Variants in AK5 observed in about 807,000 individuals in gnomAD.
The protein encoded by AK5 is adenylate kinase isoenzyme 5.
A neutral mutation model predicts 69.5 loss-of-function variants in AK5; 27 were observed. The ratio of observed to expected loss-of-function variants is 0.39; its 90% confidence interval spans 0.29 to 0.54. The LOEUF is 0.54. AK5 is among the 20% of genes least tolerant of loss of function. The pLI, the probability that AK5 is intolerant of heterozygous loss-of-function variation, is 0.71. For synonymous variants in AK5, 260 were observed against 244.4 expected (o/e 1.06, Z -0.60); for missense variants, 531 against 700.4 (o/e 0.76, Z 2.73).
chr1:77,298,028 G>T, intron 5 of AK5, 81 bp downstream of exon 5: 1 of 957,130 alleles, frequency 1.0e-6, no homozygotes, highest in South Asian at 1.7e-5. Context: ...CTTCTTGGAA[G>T]ACTTGCGATG....
chr1:77,449,974 A>G (rs189255500), intron 8 of AK5, among the ~76,000 whole-genome samples: 177 of 152,268 alleles, frequency 1.2e-3, no homozygotes, highest in African/African-American at 4.1e-3. Flanking sequence ...CCCAAGTCAC[A>G]TCTTGAATGC....
chr1:77,455,526 G>A (rs1421784353), intron 8 of AK5, among the ~76,000 whole-genome samples: 1 of 152,076 alleles, frequency 6.6e-6, no homozygotes, highest in Non-Finnish European at 1.5e-5. Context: ...CAGCCAGAAG[G>A]CATCATCTAT....
intron 2 of AK5, 42 bp downstream of exon 2, chr1:77,287,169 C>T: frequency 1.5e-6 from 2 of 1,356,634 alleles, no homozygotes; most frequent in South Asian, 2.0e-5. Flanking sequence ...ATAGTTATAG[C>T]AATTCTCTTT....
intron 13 of AK5, among the ~76,000 whole-genome samples, chr1:77,544,141 A>G (rs978561926): frequency 6.6e-6 from 1 of 152,226 alleles, no homozygotes; most frequent in African/African-American, 2.4e-5. Context: ...ATCTAAACAT[A>G]TCAAAATATG....
chr1:77,491,211 G>T (rs1655971234), intron 10 of AK5, among the ~76,000 whole-genome samples: 1 of 150,576 alleles, frequency 6.6e-6, no homozygotes, highest in Admixed American at 6.6e-5. Context: ...AAGAATTTTT[G>T]CTTAAAACTC....
chr1:77,340,733 A>G (rs1661612869), intron 6 of AK5, 165 bp downstream of exon 6: 3 of 453,658 alleles, frequency 6.6e-6, no homozygotes, highest in African/African-American at 2.3e-5. Context: ...TGCCTTTTTA[A>G]GCCATCATGT....
At chr1:77,378,917 G>A (rs7546131) in intron 6 of AK5, among the ~76,000 whole-genome samples, 103,117 of 151,988 alleles carry the variant, frequency 0.68, 35,556 homozygotes, top group Non-Finnish European at 0.75. Flanking sequence ...GAAGTGGGTT[G>A]TTATTCCAGC....
chr1:77,431,981 C>G (rs190724931), intron 8 of AK5, among the ~76,000 whole-genome samples: 24 of 152,220 alleles, frequency 1.6e-4, no homozygotes, highest in African/African-American at 5.5e-4. Context: ...TTGTGATGGC[C>G]TTTGTGTGAA....
rs145828648 is a variant in AK5 at position 77,551,336 on chromosome 1, A to T, written c.1621-7266A>T. ...TAAGGAGGATCCCAGATAACTTCAC[A>T]GAGTTTTCTAGTCACCCAAGTAAAA... On this transcript the variant is annotated intron_variant, in intron 13 of 13. Transcript: ENST00000354567. Among the ~76,000 whole-genome samples, 367 of 152,282 alleles carry T rather than the reference A, an allele frequency of 2.4e-3. 1 individual carries two copies. The highest frequency in any genetic ancestry group is 8.5e-3 in the African/African-American group (353 of 41,542).
At chr1:77,404,258 T>C (rs1290336487) in intron 6 of AK5, among the ~76,000 whole-genome samples, 1 of 152,208 alleles carries the variant, frequency 6.6e-6, no homozygotes, top group Non-Finnish European at 1.5e-5. Context: ...AAATCTTTGT[T>C]GTGAGGATGG....
intron 8 of AK5, among the ~76,000 whole-genome samples, chr1:77,430,588 G>A (rs1651572052): frequency 6.6e-6 from 1 of 152,158 alleles, no homozygotes; most frequent in South Asian, 2.1e-4. Context: ...GAGTGGAGAT[G>A]AGATAGAGAA....
intron 8 of AK5, among the ~76,000 whole-genome samples, chr1:77,431,516 T>C (rs1440271338): frequency 6.6e-6 from 1 of 152,118 alleles, no homozygotes; most frequent in East Asian, 1.9e-4. Context: ...TAAGTGGTAA[T>C]GAGCTGAGGA....
At chr1:77,515,552 A>T (rs932571696) in intron 10 of AK5, among the ~76,000 whole-genome samples, 1 of 152,346 alleles carries the variant, frequency 6.6e-6, no homozygotes, top group African/African-American at 2.4e-5. Flanking sequence ...GTGCTGTGTG[A>T]TGTGCTCAGG....
rs34335914 is a variant in AK5 at position 77,356,563 on chromosome 1, A to G, written c.891+15995A>G. ...TTGAAACTCTTAGGGCCTCAGTTCTACCATCTGAAAACTGAATCTCATAAT... is the reference window on the plus strand; with the variant it reads ...TTGAAACTCTTAGGGCCTCAGTTCTGCCATCTGAAAACTGAATCTCATAAT... On this transcript the variant is annotated intron_variant, in intron 6 of 13. Transcript: ENST00000354567. Among the ~76,000 whole-genome samples, 3 of 152,324 alleles carry G rather than the reference A, an allele frequency of 2.0e-5. No homozygotes were observed. In the East Asian group the frequency reaches 5.8e-4, roughly 29 times the overall value.
intron 13 of AK5, among the ~76,000 whole-genome samples, chr1:77,542,495 G>C (rs531173873): frequency 6.6e-6 from 1 of 152,300 alleles, no homozygotes; most frequent in Admixed American, 6.5e-5. Context: ...GGTTACCTGG[G>C]ACTCTTCCCT....
At chr1:77,435,285 C>T (rs1049380466) in intron 8 of AK5, among the ~76,000 whole-genome samples, 6 of 152,218 alleles carry the variant, frequency 3.9e-5, no homozygotes, top group African/African-American at 1.4e-4. Flanking sequence ...AACTTTACCT[C>T]AAGAAATGAA....
intron 13 of AK5, among the ~76,000 whole-genome samples, chr1:77,545,326 A>G (rs1029237331): frequency 1.1e-4 from 17 of 151,706 alleles, no homozygotes; most frequent in African/African-American, 4.1e-4. Flanking sequence ...CACACACACA[A>G]CCATGGTGGG....
At chr1:77,292,245 G>A (rs1278805081) in intron 2 of AK5, among the ~76,000 whole-genome samples, 1 of 152,202 alleles carries the variant, frequency 6.6e-6, no homozygotes, top group Non-Finnish European at 1.5e-5. Flanking sequence ...AAATTTCAAG[G>A]CAGAATAGGA....
chr1:77,546,123 T>C (rs1659532562), intron 13 of AK5, among the ~76,000 whole-genome samples: 2 of 152,200 alleles, frequency 1.3e-5, no homozygotes, highest in Non-Finnish European at 2.9e-5. Context: ...GAGTTGTGCT[T>C]GCTGCGTGTG....
Sources: gnomAD v4.1 joint callset for allele counts (sites outside exome capture counted in the v4.1 genomes callset) on GRCh38, gnomAD v4.1.1 for gene constraint, MANE v1.5 for transcripts, NCBI Gene and HGNC (gene_info 2026-07-23, HGNC 2026-07-21) for gene names.